The following CDH12 variants were observed in gnomAD, a reference collection of about 807,000 sequenced individuals.
The protein encoded by CDH12 is cadherin-12.
CDH12 carries 41 observed loss-of-function variants against 74.1 expected under a neutral mutation model. The ratio of observed to expected loss-of-function variants is 0.55; its 90% CI spans 0.43 to 0.72. CDH12 has a LOEUF of 0.72. Ranked by LOEUF, CDH12 falls within the 30% of genes least tolerant of loss-of-function variation. The probability of loss-of-function intolerance (pLI) is 0.00; values close to 1 mark genes in which losing one functional copy is unlikely to be tolerated. For missense variants in CDH12, 945 were observed against 977.2 expected, an observed-to-expected ratio of 0.97 and a Z score of 0.44; for synonymous variants, 399 against 355.0, an observed-to-expected ratio of 1.12 and a Z score of -1.39.
At chr5:22,205,304 AG>A (rs1379417544) in intron 4 of CDH12, among the ~76,000 whole-genome samples, 2 of 152,182 alleles carry the variant, frequency 1.3e-5, no homozygotes, top group African/African-American at 4.8e-5. Flanking sequence ...AGAAACAAAA[AG>A]CCTGCCTTCA....
At chr5:22,267,542 G>T (rs1485789980) in intron 3 of CDH12, among the ~76,000 whole-genome samples, 1 of 152,094 alleles carries the variant, frequency 6.6e-6, no homozygotes, top group Non-Finnish European at 1.5e-5. Context: ...AAAAATTGCT[G>T]AGGGACCTCA....
At chr5:22,774,096 A>G (rs1427646047) in intron 1 of CDH12, among the ~76,000 whole-genome samples, 1 of 152,144 alleles carries the variant, frequency 6.6e-6, no homozygotes, top group East Asian at 1.9e-4. Context: ...TTGAAAAGGA[A>G]TTACCATTCA....
At chr5:21,794,567 C>T (rs1463691820) in intron 10 of CDH12, among the ~76,000 whole-genome samples, 2 of 151,674 alleles carry the variant, frequency 1.3e-5, no homozygotes, top group Admixed American at 6.6e-5. Flanking sequence ...TTGAGGTATT[C>T]CATATCAAAC....
chr5:22,368,456 A>C (rs1367387098), intron 3 of CDH12, among the ~76,000 whole-genome samples: 2 of 136,788 alleles, frequency 1.5e-5, no homozygotes, highest in Non-Finnish European at 3.1e-5. Flanking sequence ...TCTACCACCA[A>C]GTCTGGCTAA....
intron 5 of CDH12, among the ~76,000 whole-genome samples, chr5:21,992,416 A>C (rs2150136504): frequency 6.6e-6 from 1 of 152,246 alleles, no homozygotes; most frequent in African/African-American, 2.4e-5. Flanking sequence ...TTATGAAAGC[A>C]GGTGCTTAAG....
intron 5 of CDH12, among the ~76,000 whole-genome samples, chr5:22,022,414 T>A (rs1357619563): frequency 6.6e-6 from 1 of 152,166 alleles, no homozygotes; most frequent in Admixed American, 6.5e-5. Context: ...CCACCATGAT[T>A]GTTAAGTTTC....
chr5:21,998,253 T>G (rs551948503), intron 5 of CDH12, among the ~76,000 whole-genome samples: 278 of 152,228 alleles, frequency 1.8e-3, no homozygotes, highest in Non-Finnish European at 3.0e-3. Flanking sequence ...CTACTTTTGG[T>G]CATGTAGAAG....
intron 6 of CDH12, among the ~76,000 whole-genome samples, chr5:21,901,670 C>T (rs1753391790): frequency 6.6e-6 from 1 of 152,092 alleles, no homozygotes; most frequent in African/African-American, 2.4e-5. Flanking sequence ...ATCAACCCTC[C>T]AGATTCATTT....
chr5:22,202,506 T>C (rs1750983398), intron 4 of CDH12, among the ~76,000 whole-genome samples: 1 of 152,134 alleles, frequency 6.6e-6, no homozygotes. Flanking sequence ...ATCTCTGAAA[T>C]AAAAAGCTCA....
At chr5:22,520,353 A>C (rs747100633) in intron 1 of CDH12, among the ~76,000 whole-genome samples, 1 of 152,216 alleles carries the variant, frequency 6.6e-6, no homozygotes, top group Non-Finnish European at 1.5e-5. Flanking sequence ...CAGATGAACA[A>C]GTATAGATAA....
chr5:21,854,496 C>G (rs1012587125), intron 7 of CDH12, among the ~76,000 whole-genome samples, 175 bp downstream of exon 7: 1 of 151,746 alleles, frequency 6.6e-6, no homozygotes, highest in African/African-American at 2.4e-5. Flanking sequence ...ACAAAGTTCA[C>G]TTAAATGGAG....
intron 8 of CDH12, among the ~76,000 whole-genome samples, chr5:21,829,450 G>A (rs1459284482): frequency 1.3e-5 from 2 of 152,074 alleles, no homozygotes; most frequent in South Asian, 2.1e-4. Flanking sequence ...TGCAATGAAC[G>A]AAACATTATT....
At chr5:22,031,814 C>A (rs1738842352) in intron 5 of CDH12, among the ~76,000 whole-genome samples, 1 of 151,918 alleles carries the variant, frequency 6.6e-6, no homozygotes, top group Non-Finnish European at 1.5e-5. Flanking sequence ...TTTATGGAGC[C>A]CCAAAACAAT....
At chr5:22,614,936 A>AGCATGGAT (rs1318338174) in intron 1 of CDH12, among the ~76,000 whole-genome samples, 1 of 152,102 alleles carries the variant, frequency 6.6e-6, no homozygotes, top group Non-Finnish European at 1.5e-5. Flanking sequence ...GAGGTTTGAC[A>AGCATGGAT]GCATGGATAC....
At chr5:22,608,587 G>T (rs1311967267) in intron 1 of CDH12, among the ~76,000 whole-genome samples, 1 of 152,160 alleles carries the variant, frequency 6.6e-6, no homozygotes, top group Non-Finnish European at 1.5e-5. Context: ...GTGAGGACAT[G>T]AGATTTTGGA....
Position 22,407,842 on chromosome 5 carries a change from C to A in CDH12, c.-427-2491G>T, listed in dbSNP as rs141087792. Among the ~76,000 whole-genome samples, 9 of 152,222 alleles carry A rather than the reference C, an allele frequency of 5.9e-5. No individual in the cohort carries two copies. In the East Asian group the frequency reaches 1.5e-3, roughly 26 times the overall value. On this transcript the variant is annotated intron_variant, in intron 2 of 14. Coordinates refer to ENST00000382254, the MANE Select transcript of CDH12 (RefSeq NM_004061.5). The stretch of plus-strand genomic sequence containing the variant: ...CTTCGGTAAACCTTCATTTTCTCTG[C>A]CTAGATTAGACTCCATGTCTGATTA...
At chr5:22,001,963 T>C (rs961997745) in intron 5 of CDH12, among the ~76,000 whole-genome samples, 3 of 152,098 alleles carry the variant, frequency 2.0e-5, no homozygotes, top group African/African-American at 7.2e-5. Context: ...GAGATTATAA[T>C]TGGATTTCCA....
rs556542974 is a variant in CDH12, at chr5:21,880,768, C to T, written c.527-25978G>A. Among the ~76,000 whole-genome samples, 55 of 150,554 alleles carry T rather than the reference C, an allele frequency of 3.7e-4. No individual in the cohort carries two copies. In the South Asian group the frequency reaches 6.7e-3, roughly 18 times the overall value. On this transcript the variant is annotated intron_variant, in intron 6 of 14. Transcript: ENST00000382254. ...ATCCACAGGCACTCACTCGTTGTGACGTCTAATAGAAAGTAGAGTCCCAGT... is the reference window on the plus strand; with the variant it reads ...ATCCACAGGCACTCACTCGTTGTGATGTCTAATAGAAAGTAGAGTCCCAGT...
At chr5:21,798,576 T>C (rs866968038) in intron 10 of CDH12, among the ~76,000 whole-genome samples, 2 of 152,120 alleles carry the variant, frequency 1.3e-5, no homozygotes, top group Admixed American at 6.6e-5. Flanking sequence ...TAATGTCCAA[T>C]GTATGATATA....
Sources: gnomAD v4.1 joint callset for allele counts (sites outside exome capture counted in the v4.1 genomes callset) on GRCh38, gnomAD v4.1.1 for gene constraint, MANE v1.5 for transcripts, NCBI Gene and HGNC (gene_info 2026-07-23, HGNC 2026-07-21) for gene names.